DISC1: variants seen among roughly 807,000 people sequenced by gnomAD.
The protein encoded by DISC1 is DISC1 scaffold protein, also known as disrupted in schizophrenia 1 protein.
DISC1 carries 57 observed loss-of-function variants against 84.5 expected under a neutral mutation model. That is an observed-to-expected ratio of 0.67 (90% CI 0.55 to 0.84). The LOEUF is 0.84. Among genes scored for constraint, DISC1 ranks in the 40% least tolerant of loss-of-function variants. The pLI, the probability that DISC1 is intolerant of heterozygous loss-of-function variation, is 0.00. For missense variants in DISC1, 1,000 were observed against 1,057.8 expected (o/e 0.95, Z 0.76); for synonymous variants, 411 against 415.2 (o/e 0.99, Z 0.12).
At chr1:231,938,459 A>T (rs1442943574) in intron 9 of DISC1, among the ~76,000 whole-genome samples, 1 of 152,154 alleles carries the variant, frequency 6.6e-6, no homozygotes, top group Non-Finnish European at 1.5e-5. Context: ...AGCACACAAG[A>T]AGAGGAGGAC....
chr1:231,732,624 T>C (rs1433905930), intron 3 of DISC1, among the ~76,000 whole-genome samples: 1 of 152,234 alleles, frequency 6.6e-6, no homozygotes, highest in East Asian at 1.9e-4. Flanking sequence ...ATTGTGTGGC[T>C]GAGTGGCATT....
chr1:231,912,133 C>T (rs966701430), intron 9 of DISC1, among the ~76,000 whole-genome samples: 2 of 152,258 alleles, frequency 1.3e-5, no homozygotes, highest in South Asian at 2.1e-4. Context: ...TCCTTTAGCT[C>T]GGAGAAGTTT....
chr1:231,931,678 T>A (rs1393807514), intron 9 of DISC1, among the ~76,000 whole-genome samples: 1 of 148,082 alleles, frequency 6.8e-6, no homozygotes, highest in African/African-American at 2.5e-5. Flanking sequence ...AGACAGGGTC[T>A]CACTCTATCA....
intron 9 of DISC1, among the ~76,000 whole-genome samples, chr1:231,845,613 C>T (rs927969599): frequency 2.0e-5 from 3 of 152,106 alleles, no homozygotes; most frequent in East Asian, 1.9e-4. Context: ...ACAGCGAGCA[C>T]GCCAGGCTGG....
At chr1:231,839,577 A>G (rs1205826463) in intron 9 of DISC1, among the ~76,000 whole-genome samples, 1 of 152,202 alleles carries the variant, frequency 6.6e-6, no homozygotes, top group African/African-American at 2.4e-5. Context: ...CTAGCCATTA[A>G]AATAACTTGG....
chr1:232,012,095 C>T (rs200442056), intron 11 of DISC1, among the ~76,000 whole-genome samples: 25 of 152,162 alleles, frequency 1.6e-4, no homozygotes, highest in Non-Finnish European at 3.2e-4. Context: ...ACTTTTGTTT[C>T]TATCACTCTT....
intron 3 of DISC1, among the ~76,000 whole-genome samples, chr1:231,738,500 T>G (rs1160389828): frequency 6.6e-6 from 1 of 152,132 alleles, no homozygotes; most frequent in African/African-American, 2.4e-5. Context: ...CATGACCGGG[T>G]TCAGGTCATG....
At chr1:231,740,359 A>G (rs897343416) in intron 3 of DISC1, among the ~76,000 whole-genome samples, 14 of 152,198 alleles carry the variant, frequency 9.2e-5, no homozygotes, top group African/African-American at 3.4e-4. Flanking sequence ...GTCAAATAGA[A>G]TATGCACAGT....
chr1:231,757,079 G>C (rs1223789904), intron 4 of DISC1, among the ~76,000 whole-genome samples: 1 of 152,154 alleles, frequency 6.6e-6, no homozygotes, highest in Non-Finnish European at 1.5e-5. Context: ...TTTTGAATGA[G>C]TGGTGCTTTT....
At chr1:231,794,955 G>T (rs570929763) in intron 6 of DISC1, among the ~76,000 whole-genome samples, 11 of 152,214 alleles carry the variant, frequency 7.2e-5, no homozygotes, top group African/African-American at 2.6e-4. Flanking sequence ...ATCCTTTGCT[G>T]CCAGGAGCAC....
intron 12 of DISC1, among the ~76,000 whole-genome samples, chr1:232,033,422 C>T (rs567858155): frequency 2.6e-4 from 40 of 152,328 alleles, no homozygotes; most frequent in Admixed American, 1.0e-3. Flanking sequence ...TCTGTGCTTC[C>T]GCCCTTATCC....
chr1:231,659,455 G>A (rs2061403795), intron 1 of DISC1, among the ~76,000 whole-genome samples: 1 of 151,666 alleles, frequency 6.6e-6, no homozygotes, highest in African/African-American at 2.4e-5. Flanking sequence ...TTTTTTGAAG[G>A]GTTTTTTGTG....
chr1:232,028,966 G>A (rs1382035196), intron 12 of DISC1, among the ~76,000 whole-genome samples: 2 of 152,146 alleles, frequency 1.3e-5, no homozygotes, highest in African/African-American at 4.8e-5. Context: ...CTGACACAAG[G>A]TCATTTCTGA....
intron 9 of DISC1, among the ~76,000 whole-genome samples, chr1:231,948,002 T>A (rs1657566779): frequency 6.6e-6 from 1 of 152,198 alleles, no homozygotes; most frequent in Non-Finnish European, 1.5e-5. Context: ...GCTTTTACAC[T>A]GTTGGTGGGA....
At chr1:232,026,064 C>T (rs932211576) in intron 11 of DISC1, among the ~76,000 whole-genome samples, 17 of 152,134 alleles carry the variant, frequency 1.1e-4, no homozygotes, top group African/African-American at 4.1e-4. Context: ...AGCCCAGTTG[C>T]TCCTGTGACC....
rs570535516 is a variant in DISC1, at chr1:231,724,091, C to G, written c.1117+22067C>G. 3 of 914,754 alleles carry G rather than the reference C, an allele frequency of 3.3e-6. No homozygotes were observed. In the East Asian group the frequency reaches 3.5e-4, roughly 108 times the overall value. 56.7% of individuals were successfully genotyped at this position (914,754 alleles called of 1,614,324 possible). A position where few individuals can be genotyped will look rare whatever the true frequency, so the allele number is the denominator to read the frequency against. On this transcript the variant is annotated intron_variant, in intron 3 of 12. Transcript: ENST00000439617. ...TCATCCTTTAAATGGATATTGTCAC[C>G]TGCTAATAGATTGGACCAGTATTTT... is the stretch of plus-strand genomic sequence containing the variant.
chr1:231,665,802 C>A (rs2061967371), intron 1 of DISC1, among the ~76,000 whole-genome samples: 1 of 152,148 alleles, frequency 6.6e-6, no homozygotes, highest in Admixed American at 6.5e-5. Context: ...GTCAACTGTA[C>A]AATAGGTTTT....
chr1:231,771,509 T>A (rs1012886483), intron 6 of DISC1: 12 of 985,432 alleles, frequency 1.2e-5, no homozygotes, highest in Non-Finnish European at 1.3e-5. Flanking sequence ...TCTGGAAGAA[T>A]GGATTGTTAC....
At chr1:231,920,905 A>AT (rs34325068) in intron 9 of DISC1, among the ~76,000 whole-genome samples, 24,643 of 112,906 alleles carry the variant, frequency 0.22, 3,281 homozygotes, top group East Asian at 0.68. Context: ...CTGAACTGCT[A>AT]TTTTTTTTTT....
Sources: allele counts gnomAD v4.1 joint callset (sites outside exome capture counted in the v4.1 genomes callset), GRCh38; gene constraint gnomAD v4.1.1; transcripts MANE v1.5; gene names NCBI Gene and HGNC (gene_info 2026-07-23, HGNC 2026-07-21).